The following APBA2 variants were observed in gnomAD, a reference collection of about 807,000 sequenced individuals.
APBA2 encodes the protein amyloid beta precursor protein binding family A member 2, also known as amyloid-beta A4 precursor protein-binding family A member 2.
In APBA2, 30 loss-of-function variants were observed where a neutral mutation model predicts 75.0. That is an observed-to-expected ratio of 0.40 (90% CI 0.30 to 0.54). The LOEUF is 0.54. Ranked by LOEUF, APBA2 falls within the 20% of genes least tolerant of loss-of-function variation. APBA2 has a pLI of 0.49. For missense variants in APBA2, 801 were observed against 1,016.1 expected, an observed-to-expected ratio of 0.79 and a Z score of 2.88; for synonymous variants, 444 against 409.6, an observed-to-expected ratio of 1.08 and a Z score of -1.01.
chr15:29,098,097 T>C (rs2152957920), intron 8 of APBA2, among the ~76,000 whole-genome samples: 1 of 152,334 alleles, frequency 6.6e-6, no homozygotes, highest in East Asian at 1.9e-4. Flanking sequence ...TTGTGGATAG[T>C]GCTGCCGTGA....
At chr15:29,041,846 A>G (rs971269427) in intron 3 of APBA2, among the ~76,000 whole-genome samples, 1 of 152,246 alleles carries the variant, frequency 6.6e-6, no homozygotes, top group Non-Finnish European at 1.5e-5. Flanking sequence ...ATTCCTGATT[A>G]CATGCGGGAG....
chr15:29,112,194 TG>T (rs1266331937), intron 13 of APBA2, among the ~76,000 whole-genome samples: 1 of 152,204 alleles, frequency 6.6e-6, no homozygotes, highest in African/African-American at 2.4e-5. Context: ...GGGCAGGGAC[TG>T]GGGTTCCCCT....
At chr15:28,889,098 A>G (rs1361583620) in intron 1 of APBA2, among the ~76,000 whole-genome samples, 1 of 152,024 alleles carries the variant, frequency 6.6e-6, no homozygotes, top group African/African-American at 2.4e-5. Flanking sequence ...TTCGTTTCCC[A>G]GAGTTCCTCC....
intron 2 of APBA2, among the ~76,000 whole-genome samples, chr15:28,957,133 T>C (rs61616166): frequency 0.025 from 3,765 of 152,144 alleles, 154 homozygotes; most frequent in East Asian, 0.17. Flanking sequence ...AGTGCAGTGG[T>C]GCAATCTCAG....
intron 3 of APBA2, among the ~76,000 whole-genome samples, chr15:29,021,209 G>T (rs1003551271): frequency 6.6e-6 from 1 of 152,094 alleles, no homozygotes; most frequent in African/African-American, 2.4e-5. Context: ...ATTTTATGGT[G>T]GGAGAAGAGA....
intron 3 of APBA2, among the ~76,000 whole-genome samples, chr15:29,007,188 A>G (rs758623378): frequency 6.6e-6 from 1 of 152,202 alleles, no homozygotes; most frequent in Non-Finnish European, 1.5e-5. Flanking sequence ...ATGGTGTTGG[A>G]AAAACTGAAA....
chr15:29,054,383 A>T lies in APBA2; in HGVS notation c.499A>T (p.Ile167Phe). The T allele has an allele frequency of 6.2e-7, 1 of 1,614,156 alleles. No homozygotes were observed. Among genetic ancestry groups the T allele is most frequent in the Admixed American group, 1.7e-5 (1 of 60,030 alleles). ...SQDYPDGQLPIPEDEPSVLEA... is the reference protein window; with the variant it reads ...SQDYPDGQLPFPEDEPSVLEA... ...GGACTACCCAGACGGCCAACTGCCC[A>T]TTCCGGAGGATGAGCCCTCCGTCCT... The change falls in exon 4 of 15, where the codon ATT becomes TTT. Residue 167 changes from isoleucine (I) to phenylalanine (F), a missense_variant. By Grantham distance (21) the Ile-to-Phe change is conservative (BLOSUM62 0). Coordinates refer to ENST00000683413, the MANE Select transcript of APBA2 (RefSeq NM_001353788.2). The surrounding 1 kb of genome is among the most constrained non-coding windows in gnomAD (Gnocchi z 6.1).
At position 29,093,061 on chromosome 15, in the gene APBA2, G is replaced by A. The variant is rs746014547; in HGVS notation, c.1070-14G>A. The A allele has an allele frequency of 4.3e-6, 7 of 1,614,124 alleles. No individual in the cohort carries two copies. The South Asian group carries it at 7.7e-5, about 18-fold the overall frequency. ...TCTCCTCTAGGAAGACTCTGACTCTGTGCCCTCCTTCAGTTCCAGGGCCCT... is the reference window on the plus strand; with the variant it reads ...TCTCCTCTAGGAAGACTCTGACTCTATGCCCTCCTTCAGTTCCAGGGCCCT... On this transcript the variant is annotated splice_polypyrimidine_tract_variant and intron_variant, in intron 6 of 14. Coordinates refer to ENST00000683413, the MANE Select transcript of APBA2 (RefSeq NM_001353788.2).
At chr15:28,946,688 C>T (rs1174193348) in intron 2 of APBA2, among the ~76,000 whole-genome samples, 1 of 152,180 alleles carries the variant, frequency 6.6e-6, no homozygotes, top group Non-Finnish European at 1.5e-5. Context: ...AAGCCATTTT[C>T]GTGCCTCAAC....
Position 28,991,925 on chromosome 15 carries a change from C to T in APBA2, c.-94-3828C>T, listed in dbSNP as rs977791774. Among the ~76,000 whole-genome samples the T allele has an allele frequency of 6.6e-6, 1 of 152,254 alleles. No homozygotes were observed. The highest frequency in any genetic ancestry group is 1.5e-5 in the Non-Finnish European group (1 of 68,044). On this transcript the variant is annotated intron_variant, in intron 2 of 14. Transcript: ENST00000683413. The surrounding 1 kb of genome is among the most constrained non-coding windows in gnomAD (Gnocchi z 4.7). The stretch of plus-strand genomic sequence containing the variant: ...AGTGCCAGCCCCTTAGCAAGTGCAG[C>T]GTTGCCCATTTCACTCTGGGAAATG...
chr15:29,095,855 C>A (rs538611571), intron 8 of APBA2, among the ~76,000 whole-genome samples: 2 of 152,368 alleles, frequency 1.3e-5, no homozygotes, highest in Non-Finnish European at 2.9e-5. Context: ...CCACACATTG[C>A]AGACTTGCAG....
rs1351740340 is a variant in APBA2, at chr15:29,101,750, A to G, written c.1490A>G (p.Tyr497Cys). Residue 497 changes from tyrosine (Y) to cysteine (C), a missense_variant, in exon 10 of 15, where the codon TAT becomes TGT. By Grantham distance (194) the Tyr-to-Cys change is radical (BLOSUM62 -2). Around this residue, in one of 2 missense-constraint regions of APBA2, gnomAD observed 367 missense variants for 544.5 expected, o/e 0.67. Transcript: ENST00000683413. ...TPGAQEGKKQ[Y>C]KMICHVFESE... Reference sequence around the variant, plus strand: ...GGGGCCCAGGAAGGCAAGAAGCAGTATAAGATGATCTGCCATGTGTTCGAG... The same window carrying G: ...GGGGCCCAGGAAGGCAAGAAGCAGTGTAAGATGATCTGCCATGTGTTCGAG... 1.2e-6 allele frequency: 2 copies of G among 1,613,652 alleles called. No individual in the cohort carries two copies. Among genetic ancestry groups the G allele is most frequent in the South Asian group, 1.1e-5 (1 of 91,082 alleles).
intron 10 of APBA2, among the ~76,000 whole-genome samples, chr15:29,103,801 C>A: frequency 6.6e-6 from 1 of 152,210 alleles, no homozygotes; most frequent in East Asian, 1.9e-4. Flanking sequence ...GAGACAGAAG[C>A]AGAGGCCTGG....
At chr15:28,987,552 T>G (rs1368804162) in intron 2 of APBA2, among the ~76,000 whole-genome samples, 1 of 151,438 alleles carries the variant, frequency 6.6e-6, no homozygotes, top group Non-Finnish European at 1.5e-5. Flanking sequence ...AGAGAGAGTA[T>G]AGAGAGAGTA....
intron 3 of APBA2, among the ~76,000 whole-genome samples, chr15:29,008,824 CCA>C (rs2039260625): frequency 1.3e-5 from 2 of 152,216 alleles, no homozygotes; most frequent in Admixed American, 6.5e-5. Flanking sequence ...TGCCTTCCCA[CCA>C]TTCTCTGGGA....
At chr15:29,105,928 G>GCT (rs1223975175) in intron 11 of APBA2, among the ~76,000 whole-genome samples, 4 of 152,260 alleles carry the variant, frequency 2.6e-5, no homozygotes, top group Non-Finnish European at 5.9e-5. Flanking sequence ...AGAGGCCTTA[G>GCT]CTGGTCCCAG....
intron 3 of APBA2, among the ~76,000 whole-genome samples, chr15:29,020,257 C>T (rs556076917): frequency 6.7e-6 from 1 of 150,208 alleles, no homozygotes; most frequent in South Asian, 2.1e-4. Flanking sequence ...TATTTTCTTC[C>T]AGTCTGTTGT....
chr15:29,020,300 C>T (rs544174602), intron 3 of APBA2, among the ~76,000 whole-genome samples: 38 of 149,804 alleles, frequency 2.5e-4, no homozygotes, highest in Non-Finnish European at 3.0e-4. Flanking sequence ...TTTTTCTCAT[C>T]CAGGTTTAAA....
At chr15:28,933,715 G>A (rs555418431) in intron 2 of APBA2, among the ~76,000 whole-genome samples, 9 of 152,342 alleles carry the variant, frequency 5.9e-5, no homozygotes, top group South Asian at 2.1e-4. Context: ...AGCCCGACAG[G>A]TTGCGTGCTT....
Sources: allele counts gnomAD v4.1 joint callset (sites outside exome capture counted in the v4.1 genomes callset), GRCh38; gene constraint gnomAD v4.1.1; regional missense constraint gnomAD v4.1.1; non-coding constraint Gnocchi (gnomAD v3.1); transcripts MANE v1.5; gene names NCBI Gene and HGNC (gene_info 2026-07-23, HGNC 2026-07-21).